The following CSMD2 variants were observed in gnomAD, a reference collection of about 807,000 sequenced individuals.
The protein encoded by CSMD2 is CUB and sushi domain-containing protein 2.
CSMD2 carries 130 observed loss-of-function variants against 398.5 expected under a neutral mutation model. That is an observed-to-expected ratio of 0.33 (90% CI 0.28 to 0.38). CSMD2 has a LOEUF of 0.38. CSMD2 is among the 10% of genes least tolerant of loss of function. CSMD2 has a pLI of 1.00. For synonymous variants in CSMD2, 1,828 were observed against 1,908.5 expected (o/e 0.96, Z 1.10); for missense variants, 3,829 against 4,764.9 (o/e 0.80, Z 5.78).
chr1:33,989,846 G>C (rs1044475837), intron 3 of CSMD2, among the ~76,000 whole-genome samples: 4 of 152,160 alleles, frequency 2.6e-5, no homozygotes, highest in African/African-American at 9.7e-5. Flanking sequence ...GGGATGGGAG[G>C]AGAATGACTA....
At chr1:33,815,495 G>C (rs1037425858) in intron 9 of CSMD2, 1 of 152,210 alleles carries the variant, frequency 6.6e-6, no homozygotes, top group African/African-American at 2.4e-5. Context: ...CCCAAAAAAA[G>C]TGGGGAGTGG....
intron 13 of CSMD2, among the ~76,000 whole-genome samples, chr1:33,765,296 T>C (rs1650351661): frequency 6.6e-6 from 1 of 151,956 alleles, no homozygotes; most frequent in Non-Finnish European, 1.5e-5. Context: ...GAGGAAGGAG[T>C]TGTTTCTAGC....
chr1:33,789,997 G>A (rs1374022701), intron 11 of CSMD2, among the ~76,000 whole-genome samples: 5 of 152,150 alleles, frequency 3.3e-5, no homozygotes, highest in Non-Finnish European at 7.3e-5. Context: ...GGGATTGTAT[G>A]GTATGATCCT....
chr1:33,670,039 T>C (rs1222326347), intron 25 of CSMD2, among the ~76,000 whole-genome samples: 1 of 152,228 alleles, frequency 6.6e-6, no homozygotes, highest in Non-Finnish European at 1.5e-5. Context: ...ACATTTCTGT[T>C]ATTTTAAGCT....
intron 10 of CSMD2, among the ~76,000 whole-genome samples, chr1:33,801,128 G>A (rs1182312510): frequency 6.6e-6 from 1 of 152,126 alleles, no homozygotes; most frequent in Non-Finnish European, 1.5e-5. Context: ...TGTTATCTTT[G>A]CTTTGAAGTT....
chr1:34,148,386 GT>G (rs1009603993), intron 1 of CSMD2, among the ~76,000 whole-genome samples: 74 of 152,292 alleles, frequency 4.9e-4, no homozygotes, highest in African/African-American at 1.6e-3. Flanking sequence ...AAAATCTGCC[GT>G]AATTTGGTGC....
chr1:33,864,578 G>C, intron 5 of CSMD2: 1 of 1,614,070 alleles, frequency 6.2e-7, no homozygotes, highest in Non-Finnish European at 8.5e-7. Flanking sequence ...CCACAGGGAA[G>C]ATGTGGTCAA....
At chr1:34,034,356 C>T (rs1650847908) in intron 2 of CSMD2, among the ~76,000 whole-genome samples, 1 of 152,030 alleles carries the variant, frequency 6.6e-6, no homozygotes, top group African/African-American at 2.4e-5. Flanking sequence ...AGAGACCATA[C>T]CACCCAAGCA....
intron 25 of CSMD2, among the ~76,000 whole-genome samples, chr1:33,673,453 G>A (rs1163931882): frequency 6.6e-6 from 1 of 152,154 alleles, no homozygotes; most frequent in East Asian, 1.9e-4. Context: ...AAGAAATATG[G>A]GACTATGTGA....
intron 1 of CSMD2, among the ~76,000 whole-genome samples, chr1:34,124,837 A>G (rs1187315613): frequency 6.6e-6 from 1 of 152,222 alleles, no homozygotes; most frequent in African/African-American, 2.4e-5. Flanking sequence ...GTAAAGATGG[A>G]AAATAAAAAC....
chr1:34,159,331 C>CA (rs1641098274), intron 1 of CSMD2, among the ~76,000 whole-genome samples: 1 of 65,978 alleles, frequency 1.5e-5, no homozygotes, highest in Non-Finnish European at 3.1e-5. Flanking sequence ...ACAGCCTGCC[C>CA]CCCCCCCACC....
intron 2 of CSMD2, among the ~76,000 whole-genome samples, chr1:34,088,367 C>A (rs1038182553): frequency 1.4e-4 from 22 of 152,266 alleles, no homozygotes; most frequent in African/African-American, 5.3e-4. Context: ...AAAGTCTGCC[C>A]TTTCTGCAGA....
intron 25 of CSMD2, among the ~76,000 whole-genome samples, chr1:33,663,569 A>C (rs1017465127): frequency 1.3e-5 from 2 of 152,106 alleles, no homozygotes; most frequent in Non-Finnish European, 2.9e-5. Context: ...GCCATGGTGC[A>C]GGTAGGGGTG....
At chr1:33,655,508 C>T (rs1643920769) in intron 27 of CSMD2, among the ~76,000 whole-genome samples, 1 of 152,208 alleles carries the variant, frequency 6.6e-6, no homozygotes, top group Non-Finnish European at 1.5e-5. Context: ...GGCAATTTGT[C>T]TAAGGCCACA....
At chr1:33,525,178 A>T (rs1654662521) in intron 65 of CSMD2, 135 bp from the exon 66 acceptor site, 1 of 930,534 alleles carries the variant, frequency 1.1e-6, no homozygotes, top group Non-Finnish European at 1.7e-6. Flanking sequence ...GGAAGGTGGT[A>T]GAATGCTCTG....
intron 44 of CSMD2, among the ~76,000 whole-genome samples, chr1:33,598,136 G>A (rs1639962292): frequency 6.6e-6 from 1 of 152,214 alleles, no homozygotes; most frequent in African/African-American, 2.4e-5. Context: ...AGGGGAATGT[G>A]CTGAGGAAGG....
At chr1:33,625,434 T>G (rs1268752246) in intron 33 of CSMD2, among the ~76,000 whole-genome samples, 180 bp from the exon 34 acceptor site, 1 of 152,178 alleles carries the variant, frequency 6.6e-6, no homozygotes, top group Non-Finnish European at 1.5e-5. Context: ...CGAATTATAG[T>G]TGGACACACA....
intron 25 of CSMD2, 130 bp downstream of exon 25, chr1:33,692,800 C>T: frequency 8.6e-7 from 1 of 1,163,562 alleles, no homozygotes; most frequent in South Asian, 1.4e-5. Context: ...AGTATAGCAA[C>T]CACTATTGAT....
At chr1:33,714,818 G>A (rs1330808007) in intron 20 of CSMD2, 43 bp from the exon 21 acceptor site, 3 of 1,597,848 alleles carry the variant, frequency 1.9e-6, no homozygotes, top group East Asian at 2.2e-5. Flanking sequence ...ACATTGCGGG[G>A]AGACACAAAG....
Sources: allele counts gnomAD v4.1 joint callset (sites outside exome capture counted in the v4.1 genomes callset), GRCh38; gene constraint gnomAD v4.1.1; transcripts MANE v1.5; gene names NCBI Gene and HGNC (gene_info 2026-07-23, HGNC 2026-07-21).